Variants in ACER2 observed in about 807,000 individuals in gnomAD.
The protein encoded by ACER2 is alkaline ceramidase 2, also known as alkCDase 2.
A neutral mutation model predicts 34.7 loss-of-function variants in ACER2; 26 were observed. The observed-to-expected ratio is 0.75, with a 90% CI of 0.55 to 1.04. The LOEUF (loss-of-function observed/expected upper bound fraction) is 1.04, where lower values mean the gene tolerates loss of function less well. Among genes scored for constraint, ACER2 ranks in the 50% least tolerant of loss-of-function variants. The pLI is 0.00. For missense variants in ACER2, 352 were observed against 340.8 expected, an observed-to-expected ratio of 1.03 and a Z score of -0.26; for synonymous variants, 138 against 132.1, an observed-to-expected ratio of 1.04 and a Z score of -0.31.
At position 19,412,061 on chromosome 9, in the gene ACER2, C is replaced by T. The variant is rs537886437; in HGVS notation, c.108+2869C>T. On this transcript the variant is annotated intron_variant, in intron 1 of 5. Transcript: ENST00000340967. Reference sequence around the variant, plus strand: ...AGAGTTATCTTGAAGCTATAAGTGCCACTGTAACTAACTTAGATTTATCTA... The same window carrying T: ...AGAGTTATCTTGAAGCTATAAGTGCTACTGTAACTAACTTAGATTTATCTA... 2.0e-5 allele frequency among the ~76,000 whole-genome samples: 3 copies of T among 152,252 alleles called. No homozygotes were observed. In the South Asian group the frequency reaches 6.2e-4, roughly 32 times the overall value.
chr9:19,411,015 G>A (rs927394416), intron 1 of ACER2, among the ~76,000 whole-genome samples: 1 of 152,172 alleles, frequency 6.6e-6, no homozygotes, highest in African/African-American at 2.4e-5. Flanking sequence ...TACAGAGAGG[G>A]TCAACCTTGG....
intron 1 of ACER2, among the ~76,000 whole-genome samples, chr9:19,414,681 T>C (rs1325848028): frequency 1.3e-5 from 2 of 152,122 alleles, no homozygotes; most frequent in Non-Finnish European, 2.9e-5. Flanking sequence ...CACATGCCTG[T>C]GGTCCCAGTT....
chr9:19,435,759 GA>G (rs201618246), intron 4 of ACER2, among the ~76,000 whole-genome samples: 3 of 145,050 alleles, frequency 2.1e-5, no homozygotes, highest in African/African-American at 7.7e-5. Context: ...TCAAAAAAAG[GA>G]AAAAAAAAGC....
At position 19,423,927 on chromosome 9, in the gene ACER2, A is replaced by T. The variant is rs1830485960; in HGVS notation, c.174A>T (p.Thr58=). ...ICMCLFRQYA[T]CFNSGIYLIW... ...TGTGCTTGTTTCGTCAGTATGCAAC[A>T]TGCTTCAACAGTGGCATCTACTTAA... Residue 58 remains threonine, a synonymous_variant, in exon 2 of 6, where the codon ACA becomes ACT. Coordinates refer to ENST00000340967, the MANE Select transcript of ACER2 (RefSeq NM_001010887.3). 6.2e-7 allele frequency: 1 copy of T among 1,613,998 alleles called. No individual in the cohort carries two copies. Among genetic ancestry groups the T allele is most frequent in the East Asian group, 2.2e-5 (1 of 44,894 alleles).
intron 4 of ACER2, among the ~76,000 whole-genome samples, chr9:19,443,655 T>C (rs1156361324): frequency 1.3e-5 from 2 of 152,070 alleles, no homozygotes; most frequent in African/African-American, 2.4e-5. Flanking sequence ...GCTAGTTTGT[T>C]TGTTTGTTTG....
chr9:19,434,494 A>C (rs1426037498), intron 3 of ACER2, among the ~76,000 whole-genome samples: 1 of 152,236 alleles, frequency 6.6e-6, no homozygotes, highest in Non-Finnish European at 1.5e-5. Flanking sequence ...TTGAGCACTG[A>C]GTGAACCAGA....
At chr9:19,412,337 T>C (rs1830109838) in intron 1 of ACER2, among the ~76,000 whole-genome samples, 1 of 152,238 alleles carries the variant, frequency 6.6e-6, no homozygotes, top group Non-Finnish European at 1.5e-5. Context: ...AAAAAGCACA[T>C]GTATCTGTGT....
chr9:19,424,517 T>A lies in ACER2; in HGVS notation c.224-183T>A. 5 of 983,788 alleles carry A rather than the reference T, an allele frequency of 5.1e-6. No individual in the cohort carries two copies. The South Asian group carries it at 1.4e-4, about 28-fold the overall frequency. 60.9% of individuals were successfully genotyped at this position (983,788 alleles called of 1,614,324 possible). ...GATATTTGGGCCCTAGTTGAAATCT[T>A]CTTTCTAGACTGGAGGCATGCATGC... On this transcript the variant is annotated intron_variant, in intron 2 of 5. Transcript: ENST00000340967.
intron 1 of ACER2, among the ~76,000 whole-genome samples, chr9:19,421,722 A>C (rs893593708): frequency 6.6e-6 from 1 of 152,202 alleles, no homozygotes; most frequent in Admixed American, 6.5e-5. Flanking sequence ...TGAATTGTAC[A>C]CTTTAAAATG....
intron 2 of ACER2, 178 bp from the exon 3 acceptor site, chr9:19,424,522 C>G (rs961205893): frequency 2.0e-6 from 2 of 985,358 alleles, no homozygotes; most frequent in Non-Finnish European, 2.4e-6. Context: ...AATCTTCTTT[C>G]TAGACTGGAG....
chr9:19,441,149 A>C (rs891353759), intron 4 of ACER2, among the ~76,000 whole-genome samples: 2 of 150,400 alleles, frequency 1.3e-5, no homozygotes, highest in African/African-American at 2.5e-5. Flanking sequence ...TCCCGGGTTC[A>C]AGCGATTTTT....
chr9:19,420,589 G>C (rs761026247), intron 1 of ACER2, among the ~76,000 whole-genome samples: 1 of 152,234 alleles, frequency 6.6e-6, no homozygotes, highest in Non-Finnish European at 1.5e-5. Context: ...ATATAAAAAT[G>C]CTGCTGTGGG....
At chr9:19,417,749 A>C (rs796691994) in intron 1 of ACER2, among the ~76,000 whole-genome samples, 1 of 152,252 alleles carries the variant, frequency 6.6e-6, no homozygotes, top group South Asian at 2.1e-4. Context: ...TAAAACCATG[A>C]AAACCCTAGA....
At chr9:19,445,086 C>G (rs2132529535) in intron 4 of ACER2, among the ~76,000 whole-genome samples, 1 of 152,266 alleles carries the variant, frequency 6.6e-6, no homozygotes, top group Admixed American at 6.5e-5. Flanking sequence ...ATTCTGGGTC[C>G]CATAGGAGAT....
chr9:19,440,324 G>A (rs1251413264), intron 4 of ACER2, among the ~76,000 whole-genome samples: 1 of 152,050 alleles, frequency 6.6e-6, no homozygotes, highest in Non-Finnish European at 1.5e-5. Context: ...TCAACTCCCT[G>A]CTTGCTATGG....
rs1256228194 is a variant in ACER2, at chr9:19,448,692, A to G, written c.642-1758A>G. ...ATATACTGGAAACTCTTAAATCTCC[A>G]TTAACCTGTTTGAGAAAAATTATAT... On this transcript the variant is annotated intron_variant, in intron 5 of 5. Transcript: ENST00000340967. Among the ~76,000 whole-genome samples the G allele has an allele frequency of 2.0e-5, 3 of 152,234 alleles. No individual in the cohort carries two copies. In the East Asian group the frequency reaches 5.8e-4, roughly 29 times the overall value.
intron 1 of ACER2, among the ~76,000 whole-genome samples, chr9:19,411,587 A>G (rs929906975): frequency 6.6e-6 from 1 of 152,172 alleles, no homozygotes; most frequent in Non-Finnish European, 1.5e-5. Flanking sequence ...TTATCACAGG[A>G]CATTCCCATG....
At chr9:19,442,581 C>A (rs867511481) in intron 4 of ACER2, among the ~76,000 whole-genome samples, 3 of 152,206 alleles carry the variant, frequency 2.0e-5, no homozygotes, top group Admixed American at 2.0e-4. Context: ...CGGCCGGGCA[C>A]CTCCCTCTCG....
In ACER2 at chr9:19,447,140, C is replaced by A. The variant is rs1006110711; in HGVS notation, c.641+722C>A. Among the ~76,000 whole-genome samples, 58 of 152,256 alleles carry A rather than the reference C, an allele frequency of 3.8e-4. 1 individual carries two copies. The highest frequency in any genetic ancestry group is 1.3e-3 in the African/African-American group (54 of 41,560). ...GCTTCAGCCTCAAACCCAGAGTGATCTTTCCTTTCTGTCCTCCAGGACTTC... is the reference window on the plus strand; with the variant it reads ...GCTTCAGCCTCAAACCCAGAGTGATATTTCCTTTCTGTCCTCCAGGACTTC... On this transcript the variant is annotated intron_variant, in intron 5 of 5. Coordinates refer to ENST00000340967, the MANE Select transcript of ACER2 (RefSeq NM_001010887.3).
Sources: gnomAD v4.1 joint callset for allele counts (sites outside exome capture counted in the v4.1 genomes callset) on GRCh38, gnomAD v4.1.1 for gene constraint, MANE v1.5 for transcripts, NCBI Gene and HGNC (gene_info 2026-07-23, HGNC 2026-07-21) for gene names.